The following ERAP2 variants were observed in gnomAD, a reference collection of about 807,000 sequenced individuals.
ERAP2 encodes leukocyte-derived arginine aminopeptidase.
A neutral mutation model predicts 111.1 loss-of-function variants in ERAP2; 118 were observed. The observed-to-expected ratio is 1.06, with a 90% CI of 0.92 to 1.24. ERAP2 has a LOEUF of 1.24. Among genes scored for constraint, ERAP2 ranks in the 50% most tolerant of loss-of-function variants. The probability of loss-of-function intolerance (pLI) is 0.00; values close to 1 mark genes in which losing one functional copy is unlikely to be tolerated. For synonymous variants in ERAP2, 410 were observed against 401.2 expected, an observed-to-expected ratio of 1.02 and a Z score of -0.26; for missense variants, 1,131 against 1,125.8, an observed-to-expected ratio of 1.00 and a Z score of -0.07.
At chr5:96,905,020 T>C (rs1028969271) in intron 13 of ERAP2, among the ~76,000 whole-genome samples, 9 of 152,246 alleles carry the variant, frequency 5.9e-5, no homozygotes, top group African/African-American at 2.2e-4. Flanking sequence ...TTCCAGTCTT[T>C]AAAACTTTAT....
chr5:96,913,239 T>G, intron 16 of ERAP2, 78 bp from the exon 17 acceptor site: 2 of 1,133,450 alleles, frequency 1.8e-6, no homozygotes, highest in Non-Finnish European at 2.5e-6. Context: ...TCTATTCTTT[T>G]AATATATTGG....
At chr5:96,883,022 G>A (rs551498388) in intron 2 of ERAP2, among the ~76,000 whole-genome samples, 1 of 152,282 alleles carries the variant, frequency 6.6e-6, no homozygotes, top group East Asian at 1.9e-4. Flanking sequence ...AAGTTTATCA[G>A]AGTATATATC....
At chr5:96,884,806 A>G (rs1482485629) in intron 3 of ERAP2, among the ~76,000 whole-genome samples, 2 of 152,166 alleles carry the variant, frequency 1.3e-5, no homozygotes, top group Admixed American at 1.3e-4. Flanking sequence ...GCAGGGTCCA[A>G]GTGCTAGTAG....
At position 96,880,224 on chromosome 5, in the gene ERAP2, A is replaced by C; in HGVS notation, c.539A>C (p.Tyr180Ser). The change falls in exon 2 of 19, where the codon TAT (tyrosine) becomes TCT (serine). Residue 180 changes from tyrosine (Y) to serine (S), a missense_variant. This residue lies in a region of ERAP2 where 847 missense variants were observed against 856.5 expected (regional missense o/e 0.99). Transcript: ENST00000437043. ...AKLGDGFEGF[Y>S]KSTYRTLGGE... is the part of the protein sequence containing the mutation. The stretch of plus-strand genomic sequence containing the variant: ...TTAGGTGATGGCTTTGAAGGGTTTT[A>C]TAAAAGCACATACAGAACTCTTGGT... 6.2e-7 allele frequency: 1 copy of C among 1,614,010 alleles called. No individual in the cohort carries two copies. Among genetic ancestry groups the C allele is most frequent in the Non-Finnish European group, 8.5e-7 (1 of 1,179,938 alleles).
At chr5:96,891,369 G>GTATA (rs553924596) in intron 5 of ERAP2, among the ~76,000 whole-genome samples, 1 of 34,354 alleles carries the variant, frequency 2.9e-5, no homozygotes, top group African/African-American at 8.5e-5. Flanking sequence ...ATATATATAT[G>GTATA]TGTATATATA....
chr5:96,886,463 AG>A (rs1783721590), intron 3 of ERAP2, among the ~76,000 whole-genome samples, 191 bp from the exon 4 acceptor site: 1 of 152,172 alleles, frequency 6.6e-6, no homozygotes, highest in African/African-American at 2.4e-5. Context: ...TGTTTTCAAC[AG>A]AGTGTTGGGG....
Position 96,880,170 on chromosome 5 carries a change from A to C in ERAP2, c.485A>C (p.Tyr162Ser), listed in dbSNP as rs1782985537. ...GAGAAACTTACGCCTCACCTGAAAT[A>C]CTATGTGGCTATGGACTTCCAAGCC... ...VPEKLTPHLK[Y>S]YVAMDFQAKL... The change falls in exon 2 of 19, where the codon TAC (tyrosine) becomes TCC (serine). Residue 162 changes from tyrosine (Y) to serine (S), a missense_variant. This residue lies in a region of ERAP2 where 847 missense variants were observed against 856.5 expected (regional missense o/e 0.99). Transcript: ENST00000437043. 6.2e-7 allele frequency: 1 copy of C among 1,613,984 alleles called. No homozygotes were observed. Among genetic ancestry groups the C allele is most frequent in the African/African-American group, 1.3e-5 (1 of 74,928 alleles).
chr5:96,877,654 G>A (rs1782689966), intron 1 of ERAP2, among the ~76,000 whole-genome samples: 2 of 152,174 alleles, frequency 1.3e-5, no homozygotes, highest in Admixed American at 1.3e-4. Context: ...TGATCACGTA[G>A]GTGAGGTTGG....
rs555009989 is a variant in ERAP2, at chr5:96,892,485, C to G, written c.1125+32C>G. On this transcript the variant is annotated intron_variant, in intron 6 of 18. Coordinates refer to ENST00000437043, the MANE Select transcript of ERAP2 (RefSeq NM_022350.5). Reference sequence around the variant, plus strand: ...GGCACTCATGACATTATCTCGATATCAGTTCAAAATAACATTATATAGAAC... The same window carrying G: ...GGCACTCATGACATTATCTCGATATGAGTTCAAAATAACATTATATAGAAC... 1.9e-6 allele frequency: 3 copies of G among 1,611,658 alleles called. No homozygotes were observed. In the African/African-American group the frequency reaches 4.0e-5, roughly 21 times the overall value.
intron 2 of ERAP2, among the ~76,000 whole-genome samples, chr5:96,883,591 G>A (rs758202399): frequency 1.3e-5 from 2 of 152,026 alleles, no homozygotes; most frequent in Non-Finnish European, 2.9e-5. Context: ...CCCAAAACAG[G>A]GCATTGCTTA....
intron 8 of ERAP2, 23 bp downstream of exon 8, chr5:96,896,527 G>A (rs772756707): frequency 6.3e-7 from 1 of 1,589,956 alleles, no homozygotes; most frequent in East Asian, 2.3e-5. Context: ...AGGTGCAGGT[G>A]GAAGCTCTGC....
rs60074846 is a variant in ERAP2, at chr5:96,884,555, T to TTTTG, written c.714+641_714+644dup. Among the ~76,000 whole-genome samples the TTTTG allele has an allele frequency of 3.1e-3, 476 of 151,262 alleles. 8 individuals are homozygous for TTTTG. Among genetic ancestry groups the TTTTG allele is most frequent in the African/African-American group, 0.01 (433 of 41,268 alleles). ...ATTATTAATTGTGGTTATACAAGTT[T>TTTTG]TTTGTTTGTTTGTTTGTTTTGAGAC... On this transcript the variant is annotated intron_variant, in intron 3 of 18. Transcript: ENST00000437043.
chr5:96,900,365 A>C, intron 10 of ERAP2, 176 bp downstream of exon 10: 1 of 954,594 alleles, frequency 1.0e-6, no homozygotes, highest in Non-Finnish European at 1.4e-6. Flanking sequence ...TTAGGGGGAC[A>C]ATGCTGTTGC....
chr5:96,903,132 T>A (rs948286584), intron 12 of ERAP2, among the ~76,000 whole-genome samples: 22 of 152,190 alleles, frequency 1.4e-4, no homozygotes, highest in Non-Finnish European at 2.2e-4. Context: ...TAGACCTGCA[T>A]AGACAATTTT....
intron 6 of ERAP2, among the ~76,000 whole-genome samples, chr5:96,894,625 A>C (rs1172710411): frequency 6.6e-6 from 1 of 152,200 alleles, no homozygotes; most frequent in Non-Finnish European, 1.5e-5. Context: ...TATGTCAATT[A>C]TATTTATGCA....
chr5:96,909,524 A>G, intron 14 of ERAP2, 56 bp from the exon 15 acceptor site: 1 of 1,409,476 alleles, frequency 7.1e-7, no homozygotes, highest in South Asian at 1.2e-5. Flanking sequence ...GATGGGCAAG[A>G]ACTGTGTTAA....
chr5:96,903,306 A>C (rs1450058815), intron 12 of ERAP2, 71 bp from the exon 13 acceptor site: 1 of 1,197,096 alleles, frequency 8.4e-7, no homozygotes, highest in African/African-American at 1.5e-5. Flanking sequence ...TTGATTAAAA[A>C]TAACAGTTCT....
At chr5:96,891,537 C>T (rs62377782) in intron 5 of ERAP2, among the ~76,000 whole-genome samples, 1,082 of 20,744 alleles carry the variant, frequency 0.052, 28 homozygotes, top group South Asian at 0.18. Flanking sequence ...GGTATATATA[C>T]ACACACACAC....
At chr5:96,904,798 A>C (rs1320312187) in intron 13 of ERAP2, among the ~76,000 whole-genome samples, 1 of 152,234 alleles carries the variant, frequency 6.6e-6, no homozygotes, top group Non-Finnish European at 1.5e-5. Context: ...CTATCCACTT[A>C]GATTGTCTAA....
Sources: allele counts gnomAD v4.1 joint callset (sites outside exome capture counted in the v4.1 genomes callset), GRCh38; gene constraint gnomAD v4.1.1; regional missense constraint gnomAD v4.1.1; transcripts MANE v1.5; gene names NCBI Gene and HGNC (gene_info 2026-07-23, HGNC 2026-07-21).